CDH18: variants seen among roughly 807,000 people sequenced by gnomAD.
CDH18 encodes cadherin 18, also known as cadherin-18.
Under a neutral mutation model 67.9 loss-of-function variants are expected in CDH18, and 31 were observed. The observed-to-expected ratio is 0.46, with a 90% confidence interval of 0.34 to 0.62. The LOEUF (loss-of-function observed/expected upper bound fraction) is 0.62. Among genes scored for constraint, CDH18 ranks in the 20% least tolerant of loss-of-function variants. CDH18 has a pLI of 0.01. For synonymous variants in CDH18, 362 were observed against 347.2 expected (o/e 1.04, Z -0.48); for missense variants, 890 against 975.5 (o/e 0.91, Z 1.17).
At chr5:19,796,410 A>G (rs116492396) in intron 3 of CDH18, among the ~76,000 whole-genome samples, 2,124 of 152,266 alleles carry the variant, frequency 0.014, 23 homozygotes, top group African/African-American at 0.031. Flanking sequence ...GAGACTTAAA[A>G]AACCTGGTGC....
intron 2 of CDH18, among the ~76,000 whole-genome samples, chr5:19,940,552 T>A (rs958865774): frequency 2.6e-5 from 4 of 152,116 alleles, no homozygotes; most frequent in Non-Finnish European, 5.9e-5. Context: ...GCATAAATCA[T>A]CATTTGTGTC....
At chr5:20,139,129 T>C (rs1315601673) in intron 2 of CDH18, among the ~76,000 whole-genome samples, 2 of 151,954 alleles carry the variant, frequency 1.3e-5, no homozygotes, top group South Asian at 2.1e-4. Flanking sequence ...TATAGACCAA[T>C]GGAACAGAAC....
chr5:19,811,902 A>G (rs961167349), intron 3 of CDH18, among the ~76,000 whole-genome samples: 2 of 152,204 alleles, frequency 1.3e-5, no homozygotes, highest in Admixed American at 1.3e-4. Flanking sequence ...AAATCAGTAA[A>G]GGTTCTACAT....
At chr5:19,512,886 T>G (rs1343802298) in intron 10 of CDH18, among the ~76,000 whole-genome samples, 1 of 152,070 alleles carries the variant, frequency 6.6e-6, no homozygotes, top group Non-Finnish European at 1.5e-5. Flanking sequence ...CCTTTTGATG[T>G]TAAAGTTATG....
intron 2 of CDH18, among the ~76,000 whole-genome samples, chr5:19,920,510 C>CTTTT (rs66464033): frequency 6.0e-5 from 5 of 83,008 alleles, no homozygotes; most frequent in East Asian, 3.0e-4. Context: ...TTTAACCTTA[C>CTTTT]TTTTTTTTTT....
At chr5:20,480,328 C>T (rs746297397) in intron 1 of CDH18, among the ~76,000 whole-genome samples, 1 of 152,084 alleles carries the variant, frequency 6.6e-6, no homozygotes, top group Non-Finnish European at 1.5e-5. Context: ...ATGACTACAA[C>T]AACTTTTCAA....
intron 2 of CDH18, among the ~76,000 whole-genome samples, chr5:20,154,276 T>G (rs1285660599): frequency 6.6e-6 from 1 of 152,198 alleles, no homozygotes; most frequent in African/African-American, 2.4e-5. Context: ...ATGCAAATTA[T>G]TCTACTTTTA....
chr5:20,373,644 T>C (rs1037554297), intron 1 of CDH18, among the ~76,000 whole-genome samples: 1 of 143,030 alleles, frequency 7.0e-6, no homozygotes, highest in African/African-American at 2.8e-5. Flanking sequence ...AAAATAAATA[T>C]AAATAAATAA....
chr5:19,703,667 AG>A (rs1276941070), intron 5 of CDH18, among the ~76,000 whole-genome samples: 3 of 152,130 alleles, frequency 2.0e-5, no homozygotes, highest in Admixed American at 1.3e-4. Context: ...GCAAGCTAGA[AG>A]AGAGGGTGAT....
At chr5:20,002,296 T>A (rs1355049111) in intron 2 of CDH18, among the ~76,000 whole-genome samples, 2 of 152,226 alleles carry the variant, frequency 1.3e-5, no homozygotes, top group African/African-American at 4.8e-5. Context: ...ACAGTTCTTA[T>A]GCCATTCGTT....
At chr5:19,684,444 AT>A (rs1314230011) in intron 5 of CDH18, among the ~76,000 whole-genome samples, 1 of 151,074 alleles carries the variant, frequency 6.6e-6, no homozygotes, top group African/African-American at 2.4e-5. Context: ...ATAAAATATC[AT>A]TTTTAATAAA....
chr5:20,233,153 T>C (rs1419333500), intron 2 of CDH18, among the ~76,000 whole-genome samples: 2 of 151,112 alleles, frequency 1.3e-5, no homozygotes, highest in East Asian at 3.9e-4. Context: ...TAGCCCTGTG[T>C]ATCTGAATAT....
At position 19,839,218 on chromosome 5, in the gene CDH18, T is replaced by C. The variant is rs1782003622; in HGVS notation, c.-232A>G. 2 of 481,944 alleles carry C rather than the reference T, an allele frequency of 4.1e-6. No individual in the cohort carries two copies. The highest frequency in any genetic ancestry group is 6.6e-5 in the East Asian group (2 of 30,260). 29.9% of individuals were successfully genotyped at this position (481,944 alleles called of 1,614,324 possible). ...GTCTGATTCCAACTCTTCACAGTAG[T>C]TGAACACAAGCAACCATTTTCAACC... On this transcript the variant is annotated 5_prime_UTR_variant, in exon 3 of 13. Transcript: ENST00000382275.
intron 12 of CDH18, among the ~76,000 whole-genome samples, chr5:19,475,721 T>C (rs1738347758): frequency 6.6e-6 from 1 of 152,086 alleles, no homozygotes; most frequent in Non-Finnish European, 1.5e-5. Flanking sequence ...TATACAGATA[T>C]AGATATATTT....
chr5:19,562,592 T>C (rs1445186035), intron 8 of CDH18, among the ~76,000 whole-genome samples: 1 of 152,080 alleles, frequency 6.6e-6, no homozygotes, highest in Non-Finnish European at 1.5e-5. Context: ...TCTTTAAAAT[T>C]ATCCCTTATG....
intron 3 of CDH18, among the ~76,000 whole-genome samples, chr5:19,801,757 C>A (rs537814406): frequency 2.1e-4 from 32 of 152,106 alleles, no homozygotes; most frequent in Non-Finnish European, 2.6e-4. Flanking sequence ...CTGCAAAGTG[C>A]AGAATAAAAA....
At chr5:20,393,567 G>T (rs1745039855) in intron 1 of CDH18, among the ~76,000 whole-genome samples, 1 of 151,728 alleles carries the variant, frequency 6.6e-6, no homozygotes, top group Admixed American at 6.6e-5. Flanking sequence ...CAGTGTTAAG[G>T]TTTACAACTA....
intron 2 of CDH18, among the ~76,000 whole-genome samples, chr5:20,235,441 T>C (rs542761244): frequency 9.5e-4 from 145 of 152,112 alleles, no homozygotes; most frequent in African/African-American, 3.3e-3. Context: ...AAAAAATGAA[T>C]AACCCTGTTA....
At chr5:19,555,937 T>C (rs1738331061) in intron 8 of CDH18, among the ~76,000 whole-genome samples, 1 of 152,138 alleles carries the variant, frequency 6.6e-6, no homozygotes, top group South Asian at 2.1e-4. Flanking sequence ...GAAGATGGGT[T>C]ACATGACAGG....
Sources: gnomAD v4.1 joint callset for allele counts (sites outside exome capture counted in the v4.1 genomes callset) on GRCh38, gnomAD v4.1.1 for gene constraint, MANE v1.5 for transcripts, NCBI Gene and HGNC (gene_info 2026-07-23, HGNC 2026-07-21) for gene names.